Variants in SERPINI2 observed in about 807,000 individuals in gnomAD.
SERPINI2 encodes serpin I2.
A neutral mutation model predicts 47.3 loss-of-function variants in SERPINI2; 48 were observed. The ratio of observed to expected loss-of-function variants is 1.02; its 90% CI spans 0.81 to 1.29. The LOEUF is 1.29. SERPINI2 is among the 50% of genes most tolerant of loss of function. The pLI is 0.00. For missense variants in SERPINI2, 448 were observed against 456.9 expected, an observed-to-expected ratio of 0.98 and a Z score of 0.18; for synonymous variants, 135 against 149.3, an observed-to-expected ratio of 0.90 and a Z score of 0.70.
chr3:167,469,428 A>T (rs752266213), intron 2 of SERPINI2: 2 of 152,186 alleles, frequency 1.3e-5, no homozygotes, highest in Non-Finnish European at 2.9e-5. Context: ...GGTCCAAATA[A>T]ATTACCTAAC....
At chr3:167,446,417 C>T (rs1484726213) in exon 8 of SERPINI2, 1 of 1,609,454 alleles carries the variant, frequency 6.2e-7, no homozygotes, top group South Asian at 1.1e-5. Flanking sequence ...TCATAATAAA[C>T]AGAAATGGAT....
In SERPINI2 at chr3:167,442,588, G is replaced by A. The variant is rs1577164765; in HGVS notation, c.1142-403C>T. On this transcript the variant is annotated intron_variant, in intron 8 of 8. Coordinates refer to ENST00000264677, the Ensembl canonical transcript of SERPINI2. ...GCAATCATCATTTTATGCATGTAATGTAAGTCTTAAGGGCTAAAAGTGCAA... is the reference window on the plus strand; with the variant it reads ...GCAATCATCATTTTATGCATGTAATATAAGTCTTAAGGGCTAAAAGTGCAA... Among the ~76,000 whole-genome samples the A allele has an allele frequency of 2.6e-5, 4 of 152,306 alleles. No homozygotes were observed. The South Asian group carries it at 8.3e-4, about 32-fold the overall frequency.
intron 6 of SERPINI2, among the ~76,000 whole-genome samples, chr3:167,452,453 T>A (rs1174576979): frequency 6.6e-6 from 1 of 152,208 alleles, no homozygotes; most frequent in African/African-American, 2.4e-5. Flanking sequence ...CCCAAAAGAC[T>A]CTGTTGCTAA....
At chr3:167,451,203 A>G (rs1245077208) in intron 6 of SERPINI2, among the ~76,000 whole-genome samples, 2 of 144,152 alleles carry the variant, frequency 1.4e-5, no homozygotes, top group African/African-American at 4.9e-5. Context: ...ATCTCACTTA[A>G]CAGATTAGAA....
At chr3:167,449,389 C>A (rs1203225905) in exon 7 of SERPINI2, 2 of 1,608,814 alleles carry the variant, frequency 1.2e-6, no homozygotes, top group South Asian at 1.1e-5. Context: ...GGGAAACATA[C>A]ACTTCAGATG....
At chr3:167,459,029 C>T (rs796853626) in intron 5 of SERPINI2, among the ~76,000 whole-genome samples, 7 of 151,190 alleles carry the variant, frequency 4.6e-5, no homozygotes, top group Non-Finnish European at 8.8e-5. Flanking sequence ...AATCTGGCGG[C>T]GTATAGCAAT....
intron 2 of SERPINI2, among the ~76,000 whole-genome samples, chr3:167,468,957 C>T (rs1750230090): frequency 6.6e-6 from 1 of 151,992 alleles, no homozygotes; most frequent in Admixed American, 6.6e-5. Flanking sequence ...AAAGTAGTTC[C>T]AAATCATTTG....
At chr3:167,466,126 G>A (rs1459811133) in intron 3 of SERPINI2, among the ~76,000 whole-genome samples, 2 of 152,136 alleles carry the variant, frequency 1.3e-5, no homozygotes, top group Non-Finnish European at 2.9e-5. Context: ...AAAGAATGGA[G>A]GATACTAGTA....
At chr3:167,445,517 A>G (rs1749450200) in intron 8 of SERPINI2, among the ~76,000 whole-genome samples, 1 of 152,222 alleles carries the variant, frequency 6.6e-6, no homozygotes, top group African/African-American at 2.4e-5. Context: ...CACAACTGTT[A>G]GTGAATTCAG....
upstream of SERPINI2, among the ~76,000 whole-genome samples, chr3:167,476,892 T>C (rs1023627640): frequency 7.2e-5 from 11 of 152,122 alleles, no homozygotes; most frequent in African/African-American, 2.6e-4. Context: ...ACCCGCATTC[T>C]ACTTTTATAA....
chr3:167,465,555 C>T, exon 4 of SERPINI2: 1 of 1,613,822 alleles, frequency 6.2e-7, no homozygotes, highest in Admixed American at 1.7e-5. Flanking sequence ...AATTTATCAG[C>T]TGTGTGTCCT....
Position 167,446,379 on chromosome 3 carries a change from T to C in SERPINI2, c.1141+13A>G. Reference sequence around the variant, plus strand: ...CATAATCAGTTCCCCCAAATAATTCTCAAAAAAGGTACCTGTTGGATTATG... The same window carrying C: ...CATAATCAGTTCCCCCAAATAATTCCCAAAAAAGGTACCTGTTGGATTATG... On this transcript the variant is annotated intron_variant, in intron 8 of 8. Coordinates refer to ENST00000264677, the Ensembl canonical transcript of SERPINI2. 6.4e-7 allele frequency: 1 copy of C among 1,560,544 alleles called. No individual in the cohort carries two copies. The highest frequency in any genetic ancestry group is 1.1e-5 in the South Asian group (1 of 87,198).
Position 167,453,041 on chromosome 3 carries a change from TAAAAAA to T in SERPINI2, c.867-14_867-9del. The T allele has an allele frequency of 7.4e-7, 1 of 1,348,660 alleles. No homozygotes were observed. The highest frequency in any genetic ancestry group is 1.0e-6 in the Non-Finnish European group (1 of 991,584). The allele number at this position is 1,348,660 out of a possible 1,614,324, so 83.5% of individuals were successfully genotyped here. On this transcript the variant is annotated splice_polypyrimidine_tract_variant and intron_variant, in intron 5 of 8. Coordinates refer to ENST00000264677, the Ensembl canonical transcript of SERPINI2. ...TTTTGTTCTACTTTAAATCTGTTATTAAAAAAAAAAGAAAAAGAAAAGTCTTGAAAC... is the reference window on the plus strand; with the variant it reads ...TTTTGTTCTACTTTAAATCTGTTATTAAAAGAAAAAGAAAAGTCTTGAAAC...
chr3:167,474,978 G>T (rs139280619), upstream of SERPINI2, among the ~76,000 whole-genome samples: 590 of 151,722 alleles, frequency 3.9e-3, 4 homozygotes, highest in African/African-American at 0.013. Context: ...AGCTTTAAAT[G>T]GAATTCATTT....
intron 8 of SERPINI2, among the ~76,000 whole-genome samples, chr3:167,442,791 G>A (rs566890306): frequency 1.3e-5 from 2 of 152,202 alleles, no homozygotes; most frequent in South Asian, 4.2e-4. Flanking sequence ...AGAACTAAAG[G>A]ACAAAACAGA....
intron 5 of SERPINI2, among the ~76,000 whole-genome samples, chr3:167,455,349 T>C (rs781701441): frequency 2.0e-5 from 3 of 152,094 alleles, no homozygotes; most frequent in African/African-American, 7.2e-5. Flanking sequence ...TGCAGAAAAA[T>C]GAAAAACAAT....
chr3:167,476,504 A>G (rs116801574), upstream of SERPINI2, among the ~76,000 whole-genome samples: 588 of 152,190 alleles, frequency 3.9e-3, 2 homozygotes, highest in African/African-American at 0.013. Context: ...GAGTTACAGC[A>G]TAATACCATG....
chr3:167,446,207 T>C (rs1446274540), intron 8 of SERPINI2, among the ~76,000 whole-genome samples, 185 bp downstream of exon 8: 1 of 152,170 alleles, frequency 6.6e-6, no homozygotes, highest in Non-Finnish European at 1.5e-5. Context: ...ATGGCAGCCA[T>C]TATTACCACT....
chr3:167,474,232 T>C (rs1368467627), upstream of SERPINI2: 4 of 590,532 alleles, frequency 6.8e-6, no homozygotes, highest in Non-Finnish European at 8.5e-6. Flanking sequence ...AAAAAAACAA[T>C]TATAGAATTT....
Sources: allele counts gnomAD v4.1 joint callset (sites outside exome capture counted in the v4.1 genomes callset), GRCh38; gene constraint gnomAD v4.1.1; transcripts MANE v1.5; gene names NCBI Gene and HGNC (gene_info 2026-07-23, HGNC 2026-07-21).